Variants in COL5A2 observed in about 807,000 individuals in gnomAD.
The protein encoded by COL5A2 is collagen alpha-2(V) chain.
A neutral mutation model predicts 208.2 loss-of-function variants in COL5A2; 23 were observed. The observed-to-expected ratio is 0.11, with a 90% CI of 0.08 to 0.16. The LOEUF is 0.16. COL5A2 is among the 10% of genes least tolerant of loss of function. The probability of loss-of-function intolerance (pLI) is 1.00; values close to 1 mark genes in which losing one functional copy is unlikely to be tolerated. For synonymous variants in COL5A2, 625 were observed against 628.5 expected (o/e 0.99, Z 0.08); for missense variants, 1,590 against 1,956.4 (o/e 0.81, Z 3.53).
At position 189,127,593 on chromosome 2, in the gene COL5A2, G is replaced by A. The variant is rs946434797; in HGVS notation, c.98-17144C>T. Among the ~76,000 whole-genome samples, 9 of 152,086 alleles carry A rather than the reference G, an allele frequency of 5.9e-5. No individual in the cohort carries two copies. In the South Asian group the frequency reaches 8.3e-4, roughly 14 times the overall value. ...AAATTACAATTTCTTTGATTGTCATGTATTTTCACCTAAAAAATAGGGATA... is the reference window on the plus strand; with the variant it reads ...AAATTACAATTTCTTTGATTGTCATATATTTTCACCTAAAAAATAGGGATA... On this transcript the variant is annotated intron_variant, in intron 1 of 53. Transcript: ENST00000374866.
At chr2:189,277,232 C>T in the COL5A2 span, among the ~76,000 whole-genome samples, 1 of 152,004 alleles carries the variant, frequency 6.6e-6, no homozygotes, top group Non-Finnish European at 1.5e-5. Context: ...TACCCAAAAT[C>T]GAAAACAAGA....
At chr2:189,165,039 A>C (rs1005320568) in intron 1 of COL5A2, among the ~76,000 whole-genome samples, 1 of 152,252 alleles carries the variant, frequency 6.6e-6, no homozygotes, top group Non-Finnish European at 1.5e-5. Flanking sequence ...AATATCATTA[A>C]AATAAACAGA....
chr2:189,057,291 A>AAG (rs1559082638), intron 34 of COL5A2, 29 bp downstream of exon 34: 2 of 381,434 alleles, frequency 5.2e-6, no homozygotes, highest in Non-Finnish European at 3.6e-6. Flanking sequence ...AAATGAACTG[A>AAG]AAAAAAAAAA....
chr2:189,316,165 T>C, the COL5A2 span, among the ~76,000 whole-genome samples: 1 of 152,170 alleles, frequency 6.6e-6, no homozygotes, highest in Admixed American at 6.5e-5. Context: ...CACATGTATG[T>C]TCCTTGAACC....
In COL5A2 at chr2:189,072,122, G is replaced by T. The variant is rs764319869; in HGVS notation, c.1105-29C>A. ...TTAAAAGAAACCAGAAAAGTAATCAGACATGTATTCAATTAGTATCTAATT... is the reference window on the plus strand; with the variant it reads ...TTAAAAGAAACCAGAAAAGTAATCATACATGTATTCAATTAGTATCTAATT... On this transcript the variant is annotated intron_variant, in intron 17 of 53. Coordinates refer to ENST00000374866, the MANE Select transcript of COL5A2 (RefSeq NM_000393.5). 24 of 1,533,950 alleles carry T rather than the reference G, an allele frequency of 1.6e-5. 1 individual carries two copies. In the South Asian group the frequency reaches 2.7e-4, roughly 17 times the overall value.
the COL5A2 span, among the ~76,000 whole-genome samples, chr2:189,385,637 C>T: frequency 1.3e-5 from 2 of 151,390 alleles, no homozygotes; most frequent in Admixed American, 6.6e-5. Context: ...AAAATTCATA[C>T]AGAATCGAAA....
At chr2:189,248,086 A>T in the COL5A2 span, among the ~76,000 whole-genome samples, 1 of 152,248 alleles carries the variant, frequency 6.6e-6, no homozygotes, top group Non-Finnish European at 1.5e-5. Context: ...TTAAAAACAT[A>T]GTTCTTACTA....
the COL5A2 span, among the ~76,000 whole-genome samples, chr2:189,276,358 A>G: frequency 1.3e-5 from 2 of 152,172 alleles, no homozygotes; most frequent in Non-Finnish European, 2.9e-5. Context: ...ATGCTATTTA[A>G]TGTCATAATA....
At chr2:189,038,992 T>C (rs1685500033) in intron 51 of COL5A2, among the ~76,000 whole-genome samples, 1 of 152,026 alleles carries the variant, frequency 6.6e-6, no homozygotes, top group Non-Finnish European at 1.5e-5. Flanking sequence ...CCTGGCCTGT[T>C]TTGTGACTTT....
At chr2:189,266,983 AATATAC>A in the COL5A2 span, among the ~76,000 whole-genome samples, 12 of 151,396 alleles carry the variant, frequency 7.9e-5, no homozygotes, top group Non-Finnish European at 1.6e-4. Flanking sequence ...TATTAAAACA[AATATAC>A]ATATAATATT....
chr2:189,339,681 G>A, the COL5A2 span, among the ~76,000 whole-genome samples: 75 of 152,128 alleles, frequency 4.9e-4, 1 homozygote, highest in African/African-American at 1.7e-3. Context: ...ACTATGTGTG[G>A]GAAAATAGGA....
chr2:189,045,791 C>T lies in COL5A2; in HGVS notation c.3309+9G>A. 2 of 1,611,650 alleles carry T rather than the reference C, an allele frequency of 1.2e-6. No homozygotes were observed. Among genetic ancestry groups the T allele is most frequent in the Non-Finnish European group, 1.7e-6 (2 of 1,177,842 alleles). On this transcript the variant is annotated intron_variant, in intron 46 of 53. Coordinates refer to ENST00000374866, the MANE Select transcript of COL5A2 (RefSeq NM_000393.5). ...AAAACTGTCAGTGTGAAATTGACTC[C>T]CTCCTTACCGGATCTCCTCTTTGTC... is the stretch of plus-strand genomic sequence containing the variant.
At chr2:189,283,356 C>A in the COL5A2 span, among the ~76,000 whole-genome samples, 1 of 152,040 alleles carries the variant, frequency 6.6e-6, no homozygotes, top group East Asian at 1.9e-4. Flanking sequence ...TTACCCTATG[C>A]AATTTTTTTG....
At chr2:189,401,822 T>C in the COL5A2 span, among the ~76,000 whole-genome samples, 1 of 152,170 alleles carries the variant, frequency 6.6e-6, no homozygotes, top group Admixed American at 6.5e-5. Flanking sequence ...TAATGATCAG[T>C]GATGTTGAGC....
At chr2:189,145,647 C>A (rs1688024793) in intron 1 of COL5A2, among the ~76,000 whole-genome samples, 1 of 151,992 alleles carries the variant, frequency 6.6e-6, no homozygotes, top group South Asian at 2.1e-4. Flanking sequence ...TGAAGAAGAT[C>A]TTATTCAGAA....
At chr2:189,135,041 A>T in intron 1 of COL5A2, among the ~76,000 whole-genome samples, 1 of 152,186 alleles carries the variant, frequency 6.6e-6, no homozygotes, top group Non-Finnish European at 1.5e-5. Context: ...GGTTGGCTGG[A>T]CTACATATAA....
chr2:189,106,831 A>G (rs1337825258), intron 2 of COL5A2, among the ~76,000 whole-genome samples: 1 of 151,388 alleles, frequency 6.6e-6, no homozygotes, highest in Non-Finnish European at 1.5e-5. Context: ...TTTAATTATG[A>G]AAGAATTCAT....
the COL5A2 span, among the ~76,000 whole-genome samples, chr2:189,419,831 G>C: frequency 1.3e-5 from 2 of 149,058 alleles, no homozygotes; most frequent in African/African-American, 2.5e-5. Flanking sequence ...AGAGAGGAGA[G>C]GAGAGGAAAG....
the COL5A2 span, among the ~76,000 whole-genome samples, chr2:189,426,972 T>A: frequency 2.0e-5 from 3 of 152,214 alleles, no homozygotes; most frequent in Non-Finnish European, 4.4e-5. Flanking sequence ...AAAAGCCCAT[T>A]TTCAGGGGAG....
Sources: gnomAD v4.1 joint callset for allele counts (sites outside exome capture counted in the v4.1 genomes callset) on GRCh38, gnomAD v4.1.1 for gene constraint, MANE v1.5 for transcripts, NCBI Gene and HGNC (gene_info 2026-07-23, HGNC 2026-07-21) for gene names.